The following SLC35E1 variants were observed in gnomAD, a reference collection of about 807,000 sequenced individuals.
SLC35E1 encodes the protein solute carrier family 35, member E1.
A neutral mutation model predicts 31.0 loss-of-function variants in SLC35E1; 12 were observed. That is an observed-to-expected ratio of 0.39 (90% CI 0.25 to 0.63). The LOEUF is 0.63. Among genes scored for constraint, SLC35E1 ranks in the 20% least tolerant of loss-of-function variants. The pLI is 0.52. For missense variants in SLC35E1, 429 were observed against 572.2 expected (o/e 0.75, Z 2.55); for synonymous variants, 257 against 264.1 (o/e 0.97, Z 0.26).
At chr19:16,557,280 G>A (rs2085879677) in intron 4 of SLC35E1, 3 of 218,420 alleles carry the variant, frequency 1.4e-5, no homozygotes, top group South Asian at 6.0e-5. Flanking sequence ...TGCAAGCTCC[G>A]CCTCCTGGGT....
intron 4 of SLC35E1, among the ~76,000 whole-genome samples, chr19:16,562,114 C>CA (rs1467342854): frequency 3.3e-5 from 5 of 151,902 alleles, no homozygotes; most frequent in East Asian, 1.9e-4. Flanking sequence ...ATTACAACAA[C>CA]AAAAAAGATA....
At chr19:16,569,349 A>C (rs2085946787) in intron 2 of SLC35E1, among the ~76,000 whole-genome samples, 1 of 151,476 alleles carries the variant, frequency 6.6e-6, no homozygotes, top group Non-Finnish European at 1.5e-5. Context: ...CTGTTACATC[A>C]TCCGGTCCCG....
In SLC35E1 at chr19:16,571,542, C is replaced by G. The variant is rs1341268069; in HGVS notation, c.462G>C (p.Arg154=). Residue 154 remains arginine, a synonymous_variant, in exon 2 of 6, where the codon CGG becomes CGC. Transcript: ENST00000595753. ...TMPIWVVLLS[R]IIMKEKQSTK... The stretch of plus-strand genomic sequence containing the variant: ...TGCTCTGCTTCTCCTTCATAATGAT[C>G]CGGGACAGGAGGACCACCCAGATGG... 2 of 1,613,968 alleles carry G rather than the reference C, an allele frequency of 1.2e-6. No homozygotes were observed. Among genetic ancestry groups the G allele is most frequent in the East Asian group, 2.2e-5 (1 of 44,878 alleles).
intron 2 of SLC35E1, among the ~76,000 whole-genome samples, chr19:16,569,735 A>C (rs1462015862): frequency 6.6e-6 from 1 of 152,156 alleles, no homozygotes; most frequent in Non-Finnish European, 1.5e-5. Context: ...AATCCCGGCT[A>C]CTCGGGAGGC....
At position 16,553,811 on chromosome 19, in the gene SLC35E1, C is replaced by T. The variant is rs1237790108; in HGVS notation, c.1101G>A (p.Lys367=). 6 of 1,613,962 alleles carry T rather than the reference C, an allele frequency of 3.7e-6. No individual in the cohort carries two copies. Among genetic ancestry groups the T allele is most frequent in the Non-Finnish European group, 5.1e-6 (6 of 1,180,000 alleles). Residue 367 remains lysine, a synonymous_variant, in exon 6 of 6, where the codon AAG becomes AAA. Transcript: ENST00000595753. ...SKERHRSPLE[K]PHNGLLFPQH... Reference sequence around the variant, plus strand: ...GGGGGAAGAGGAGGCCGTTGTGGGGCTTCTCCAGTGGGCTCCGGTGACGCT... The same window carrying T: ...GGGGGAAGAGGAGGCCGTTGTGGGGTTTCTCCAGTGGGCTCCGGTGACGCT...
Sources: allele counts gnomAD v4.1 joint callset (sites outside exome capture counted in the v4.1 genomes callset), GRCh38; gene constraint gnomAD v4.1.1; transcripts MANE v1.5; gene names NCBI Gene and HGNC (gene_info 2026-07-23, HGNC 2026-07-21).